Variants in CYP2F1 observed in about 807,000 individuals in gnomAD.
CYP2F1 encodes cytochrome P450 2F1.
A neutral mutation model predicts 40.4 loss-of-function variants in CYP2F1; 33 were observed. The ratio of observed to expected loss-of-function variants is 0.82; its 90% CI spans 0.62 to 1.09. CYP2F1 has a LOEUF of 1.09. CYP2F1 is among the 50% of genes least tolerant of loss of function. CYP2F1 has a pLI of 0.00. For synonymous variants in CYP2F1, 235 were observed against 277.2 expected (o/e 0.85, Z 1.51); for missense variants, 566 against 655.7 (o/e 0.86, Z 1.49).
intron 3 of CYP2F1, among the ~76,000 whole-genome samples, chr19:41,118,073 T>C (rs933683894): frequency 1.3e-5 from 2 of 151,982 alleles, no homozygotes; most frequent in African/African-American, 4.8e-5. Flanking sequence ...TGGTCTTGAA[T>C]GCCTGACCTC....
chr19:41,116,484 A>C lies in CYP2F1; in HGVS notation c.201A>C (p.Thr67=), dbSNP rs768879115. 6.2e-7 allele frequency: 1 copy of C among 1,613,450 alleles called. No individual in the cohort carries two copies. The highest frequency in any genetic ancestry group is 1.7e-5 in the Admixed American group (1 of 59,856). ...GCAAGGAGTATGGCTCCATGTACACAGTGCACCTGGGACCCAGGCGGGTGG... is the reference window on the plus strand; with the variant it reads ...GCAAGGAGTATGGCTCCATGTACACCGTGCACCTGGGACCCAGGCGGGTGG... ...KLSKEYGSMY[T]VHLGPRRVVV... Residue 67 remains threonine (T), a synonymous_variant, in exon 3 of 10, where the codon ACA becomes ACC. Transcript: ENST00000331105.
chr19:41,124,680 C>T (rs758276599), intron 7 of CYP2F1, 39 bp from the exon 8 acceptor site: 18 of 1,580,080 alleles, frequency 1.1e-5, no homozygotes, highest in Admixed American at 8.5e-5. Flanking sequence ...CTGTCGCGCC[C>T]GCTGATACCC....
In CYP2F1 at chr19:41,116,742, A is replaced by C. The variant is rs1413736777; in HGVS notation, c.334+125A>C. 12 of 1,101,338 alleles carry C rather than the reference A, an allele frequency of 1.1e-5. No homozygotes were observed. The Admixed American group carries it at 2.6e-4, about 24-fold the overall frequency. The allele number at this position is 1,101,338 out of a possible 1,614,324, so 68.2% of individuals were successfully genotyped here. ...CTGCTGACATCACTGATGACACCAA[A>C]TGCAATGCAGCGAGGCAGTGTTGGT... On this transcript the variant is annotated intron_variant, in intron 3 of 9. Transcript: ENST00000331105.
chr19:41,117,830 CTTTA>C (rs71896870), intron 3 of CYP2F1, among the ~76,000 whole-genome samples: 11,157 of 149,598 alleles, frequency 0.075, 986 homozygotes, highest in African/African-American at 0.22. Context: ...GGTCTTCAAA[CTTTA>C]TTTATTTATT....
At chr19:41,119,715 C>A (rs1219943566) in intron 3 of CYP2F1, among the ~76,000 whole-genome samples, 16 of 40,554 alleles carry the variant, frequency 3.9e-4, no homozygotes, top group African/African-American at 7.2e-4. Flanking sequence ...CTCTCTCTCT[C>A]TCTCTCTCTA....
At chr19:41,117,373 C>G (rs1317463633) in intron 3 of CYP2F1, among the ~76,000 whole-genome samples, 1 of 152,024 alleles carries the variant, frequency 6.6e-6, no homozygotes, top group African/African-American at 2.4e-5. Context: ...CTCAGGTGAT[C>G]CACCTACCTC....
chr19:41,116,534 T>C lies in CYP2F1; in HGVS notation c.251T>C (p.Val84Ala). 6.2e-7 allele frequency: 1 copy of C among 1,613,950 alleles called. No individual in the cohort carries two copies. Among genetic ancestry groups the C allele is most frequent in the Non-Finnish European group, 8.5e-7 (1 of 1,179,962 alleles). ...GTGGTCCTCAGCGGGTACCAAGCTGTGAAGGAGGCCCTGGTGGACCAGGGA... is the reference window on the plus strand; with the variant it reads ...GTGGTCCTCAGCGGGTACCAAGCTGCGAAGGAGGCCCTGGTGGACCAGGGA... Reference protein sequence around the residue: ...RVVVLSGYQAVKEALVDQGEE... With the variant: ...RVVVLSGYQAAKEALVDQGEE... The change falls in exon 3 of 10, where the codon GTG (valine) becomes GCG (alanine). Residue 84 changes from valine to alanine, a missense_variant. By Grantham distance (64) the Val-to-Ala change is moderately conservative (BLOSUM62 0). Around this residue, in one of 5 missense-constraint regions of CYP2F1, gnomAD observed 264 missense variants for 275.7 expected, o/e 0.96. Coordinates refer to ENST00000331105, the MANE Select transcript of CYP2F1 (RefSeq NM_000774.5).
chr19:41,121,509 T>C lies in CYP2F1; in HGVS notation c.536T>C (p.Ile179Thr). 1 of 1,610,000 alleles carries C rather than the reference T, an allele frequency of 6.2e-7. No individual in the cohort carries two copies. The highest frequency in any genetic ancestry group is 1.1e-5 in the South Asian group (1 of 90,888). The part of the protein sequence containing the change: ...FVLSRSVSNI[I>T]CSVLFGSRFD... ...CTGAGTCGCTCAGTGTCCAACATTATCTGTTCCGTGCTCTTCGGCAGCCGC... is the reference window on the plus strand; with the variant it reads ...CTGAGTCGCTCAGTGTCCAACATTACCTGTTCCGTGCTCTTCGGCAGCCGC... The change falls in exon 5 of 10, where the codon ATC becomes ACC. Residue 179 changes from isoleucine to threonine, a missense_variant. By Grantham distance (89) the Ile-to-Thr change is moderately conservative (BLOSUM62 -1). Transcript: ENST00000331105.
chr19:41,120,826 CT>C (rs111358090), intron 4 of CYP2F1, among the ~76,000 whole-genome samples: 76 of 146,886 alleles, frequency 5.2e-4, no homozygotes, highest in Non-Finnish European at 6.0e-4. Context: ...ATCCATTCTA[CT>C]TTTTTTTTTT....
At chr19:41,126,951 G>A (rs2032569568) in intron 9 of CYP2F1, among the ~76,000 whole-genome samples, 2 of 151,974 alleles carry the variant, frequency 1.3e-5, no homozygotes, top group Admixed American at 6.6e-5. Context: ...TTTACTCAGT[G>A]GCAGGAAAAG....
chr19:41,120,474 G>A lies in CYP2F1; in HGVS notation c.462G>A (p.Leu154=). Residue 154 remains leucine, a synonymous_variant, in exon 4 of 10, where the codon CTG becomes CTA. Coordinates refer to ENST00000331105, the MANE Select transcript of CYP2F1 (RefSeq NM_000774.5). ...TCCTAGAGGAGGGCAGCTTCCTGCT[G>A]GCGGAGCTGCGGAAAACTGAAGGTC... The part of the protein sequence containing the change: ...ERILEEGSFL[L]AELRKTEGEP... 1 of 1,613,338 alleles carries A rather than the reference G, an allele frequency of 6.2e-7. No homozygotes were observed. Among genetic ancestry groups the A allele is most frequent in the Non-Finnish European group, 8.5e-7 (1 of 1,179,814 alleles).
rs1414906497 is a variant in CYP2F1, at chr19:41,121,451, C to T, written c.485-7C>T. Reference sequence around the variant, plus strand: ...TCTTCCTGATCCATTGCACTCCTTACCCTCAGGCGAGCCCTTTGACCCCAC... The same window carrying T: ...TCTTCCTGATCCATTGCACTCCTTATCCTCAGGCGAGCCCTTTGACCCCAC... On this transcript the variant is annotated splice_region_variant and splice_polypyrimidine_tract_variant and intron_variant, in intron 4 of 9. Coordinates refer to ENST00000331105, the MANE Select transcript of CYP2F1 (RefSeq NM_000774.5). 1.2e-6 allele frequency: 2 copies of T among 1,608,160 alleles called. No individual in the cohort carries two copies. Among genetic ancestry groups the T allele is most frequent in the Admixed American group, 1.7e-5 (1 of 59,734 alleles).
chr19:41,116,590 G>C lies in CYP2F1; in HGVS notation c.307G>C (p.Ala103Pro). Residue 103 changes from alanine (A) to proline (P), a missense_variant, in exon 3 of 10, where the codon GCC (alanine) becomes CCC (proline). Transcript: ENST00000331105. Reference sequence around the variant, plus strand: ...GTTTAGTGGCCGCGGTGACTACCCTGCCTTTTTCAACTTTACCAAGGGCAA... The same window carrying C: ...GTTTAGTGGCCGCGGTGACTACCCTCCCTTTTTCAACTTTACCAAGGGCAA... ...EEFSGRGDYPAFFNFTKGNGI... is the reference protein window; with the variant it reads ...EEFSGRGDYPPFFNFTKGNGI... 6.2e-7 allele frequency: 1 copy of C among 1,613,916 alleles called. No individual in the cohort carries two copies. The highest frequency in any genetic ancestry group is 8.5e-7 in the Non-Finnish European group (1 of 1,179,962).
At chr19:41,115,216 G>A (rs545799231) in intron 1 of CYP2F1, among the ~76,000 whole-genome samples, 5 of 151,328 alleles carry the variant, frequency 3.3e-5, no homozygotes, top group South Asian at 2.1e-4. Context: ...TGTCATTCTC[G>A]TCTCCCTCAG....
chr19:41,124,254 C>CCCA (rs1568381415), intron 7 of CYP2F1, among the ~76,000 whole-genome samples: 4 of 72,460 alleles, frequency 5.5e-5, no homozygotes, highest in African/African-American at 2.5e-4. Context: ...TTCCCCCCCC[C>CCCA]CTTTTTTTTT....
rs1246264595 is a variant in CYP2F1, at chr19:41,124,761, G to A, written c.1007G>A (p.Arg336Gln). ...EEIDLVVGRA[R>Q]LPALKDRAAM... ...ATCGACCTCGTGGTGGGACGCGCGC[G>A]GCTGCCGGCGCTGAAGGACCGCGCG... Residue 336 changes from arginine (R) to glutamine (Q), a missense_variant, in exon 8 of 10, where the codon CGG becomes CAG. Arg to Gln is a conservative substitution (Grantham distance 43). Coordinates refer to ENST00000331105, the MANE Select transcript of CYP2F1 (RefSeq NM_000774.5). The A allele has an allele frequency of 1.9e-6, 3 of 1,606,914 alleles. No homozygotes were observed. The highest frequency in any genetic ancestry group is 1.3e-5 in the African/African-American group (1 of 74,900).
At chr19:41,119,864 C>T (rs11671791) in intron 3 of CYP2F1, among the ~76,000 whole-genome samples, 37 of 150,376 alleles carry the variant, frequency 2.5e-4, no homozygotes, top group Middle Eastern at 3.4e-3. Context: ...TCACCTGAAC[C>T]CGGGAGGCGG....
In CYP2F1 at chr19:41,128,075, C is replaced by G. The variant is rs7246981; in HGVS notation, c.1469C>G (p.Pro490Arg). Residue 490 changes from proline (P) to arginine (R), a missense_variant, in exon 10 of 10, where the codon CCG becomes CGG. This residue lies in a region of CYP2F1 where 85 missense variants were observed against 84.9 expected (regional missense o/e 1.00). Transcript: ENST00000331105. ...LPRPFQLCLR[P>R]R ...CGGCCTTTCCAGCTGTGCCTGCGCC[C>G]GCGCTAACGCCCCGGCCCTTCCAGA... 27 of 1,602,494 alleles carry G rather than the reference C, an allele frequency of 1.7e-5. No individual in the cohort carries two copies. The highest frequency in any genetic ancestry group is 1.2e-4 in the South Asian group (11 of 90,520).
chr19:41,124,068 C>G (rs548043736), intron 7 of CYP2F1, among the ~76,000 whole-genome samples: 2 of 151,862 alleles, frequency 1.3e-5, no homozygotes, highest in African/African-American at 4.8e-5. Flanking sequence ...CTCGACCTAC[C>G]GTCCAGCCAG....
Sources: gnomAD v4.1 joint callset for allele counts (sites outside exome capture counted in the v4.1 genomes callset) on GRCh38, gnomAD v4.1.1 for gene constraint, gnomAD v4.1.1 regional missense constraint, MANE v1.5 for transcripts, NCBI Gene and HGNC (gene_info 2026-07-23, HGNC 2026-07-21) for gene names.